The following KIAA0319L variants were observed in gnomAD, a reference collection of about 807,000 sequenced individuals.
The protein encoded by KIAA0319L is KIAA0319 like, also known as dyslexia-associated protein KIAA0319-like protein.
A neutral mutation model predicts 120.1 loss-of-function variants in KIAA0319L; 55 were observed. The ratio of observed to expected loss-of-function variants is 0.46; its 90% CI spans 0.37 to 0.57. The LOEUF (loss-of-function observed/expected upper bound fraction) is 0.57, where lower values mean the gene tolerates loss of function less well. Among genes scored for constraint, KIAA0319L ranks in the 20% least tolerant of loss-of-function variants. KIAA0319L has a pLI of 0.00. For missense variants in KIAA0319L, 1,049 were observed against 1,255.3 expected, an observed-to-expected ratio of 0.84 and a Z score of 2.48; for synonymous variants, 398 against 471.9, an observed-to-expected ratio of 0.84 and a Z score of 2.03.
intron 2 of KIAA0319L, among the ~76,000 whole-genome samples, chr1:35,537,574 C>A: frequency 6.9e-6 from 1 of 144,312 alleles, no homozygotes; most frequent in African/African-American, 2.6e-5. Flanking sequence ...TCAATTTACC[C>A]ATTGAAACTC....
chr1:35,478,962 T>C lies in KIAA0319L; in HGVS notation c.913+4A>G, dbSNP rs1644025641. ...CTTCTATCTCCAAGAGCAAAGGTCC[T>C]TACCTGGGTATGGTGCTGAGGTGCT... On this transcript the variant is annotated splice_donor_region_variant and intron_variant, in intron 4 of 20. Transcript: ENST00000325722. 3 of 1,613,842 alleles carry C rather than the reference T, an allele frequency of 1.9e-6. No homozygotes were observed. Among genetic ancestry groups the C allele is most frequent in the Non-Finnish European group, 1.7e-6 (2 of 1,179,834 alleles).
In KIAA0319L at chr1:35,456,013, C is replaced by T. The variant is rs1396365568; in HGVS notation, c.1656G>A (p.Gln552=). Reference sequence around the variant, plus strand: ...AAAAATAGGAACCATTCCCTCCTACCTGCATCTCCACCACTTTCCCTTTGC... The same window carrying T: ...AAAAATAGGAACCATTCCCTCCTACTTGCATCTCCACCACTTTCCCTTTGC... ...PSSKGKVVEM[Q]GVRTPTLQLS... The change falls in exon 10 of 21, where the codon CAG becomes CAA. Residue 552 remains glutamine, a splice_region_variant and synonymous_variant. Transcript: ENST00000325722. The T allele has an allele frequency of 6.2e-7, 1 of 1,609,062 alleles. No individual in the cohort carries two copies. The highest frequency in any genetic ancestry group is 8.5e-7 in the Non-Finnish European group (1 of 1,176,388).
At chr1:35,460,549 T>G in intron 8 of KIAA0319L, 112 bp from the exon 9 acceptor site, 1 of 917,058 alleles carries the variant, frequency 1.1e-6, no homozygotes, top group Non-Finnish European at 1.7e-6. Context: ...GAAAACTTCA[T>G]GAAATTACAG....
At chr1:35,552,374 A>G (rs1230670790) in intron 2 of KIAA0319L, among the ~76,000 whole-genome samples, 2 of 152,008 alleles carry the variant, frequency 1.3e-5, no homozygotes, top group African/African-American at 2.4e-5. Flanking sequence ...CCTCCAAAAC[A>G]TCCCCTATGG....
At chr1:35,467,408 T>C (rs1643342645) in intron 6 of KIAA0319L, among the ~76,000 whole-genome samples, 1 of 151,934 alleles carries the variant, frequency 6.6e-6, no homozygotes, top group Non-Finnish European at 1.5e-5. Flanking sequence ...ACACATCAAC[T>C]CATCAAATTT....
intron 2 of KIAA0319L, among the ~76,000 whole-genome samples, chr1:35,507,997 G>A (rs956213448): frequency 2.6e-5 from 4 of 152,150 alleles, no homozygotes; most frequent in Non-Finnish European, 4.4e-5. Flanking sequence ...TGTTTTCTTA[G>A]ATGAAGTCAA....
chr1:35,523,512 C>A (rs959164732), intron 2 of KIAA0319L, among the ~76,000 whole-genome samples: 1 of 152,170 alleles, frequency 6.6e-6, no homozygotes, highest in African/African-American at 2.4e-5. Flanking sequence ...GTGGGTCATA[C>A]TGAAGACATC....
chr1:35,553,811 T>C (rs1280883106), intron 2 of KIAA0319L, among the ~76,000 whole-genome samples: 5 of 152,232 alleles, frequency 3.3e-5, no homozygotes, highest in Non-Finnish European at 7.4e-5. Flanking sequence ...CCTGGTGAAA[T>C]AATCTCTAGG....
At position 35,554,418 on chromosome 1, in the gene KIAA0319L, G is replaced by T; in HGVS notation, c.74C>A (p.Ala25Glu). The part of the protein sequence containing the change: ...ILSGYYWQTS[A>E]KWLRSLYLFY... Reference sequence around the variant, plus strand: ...CAGGTACAGGCTTCTCAACCACTTCGCAGATGTCTGCCAATAATATCCTGA... The same window carrying T: ...CAGGTACAGGCTTCTCAACCACTTCTCAGATGTCTGCCAATAATATCCTGA... Residue 25 changes from alanine (A) to glutamate (E), a missense_variant, in exon 2 of 21, where the codon GCG becomes GAG. Physicochemically the swap from Ala to Glu is moderately radical, Grantham distance 107. Coordinates refer to ENST00000325722, the MANE Select transcript of KIAA0319L (RefSeq NM_024874.5). The T allele has an allele frequency of 1.9e-6, 3 of 1,613,374 alleles. No individual in the cohort carries two copies. Among genetic ancestry groups the T allele is most frequent in the Non-Finnish European group, 2.5e-6 (3 of 1,179,730 alleles).
chr1:35,509,097 G>A (rs1025472264), intron 2 of KIAA0319L, among the ~76,000 whole-genome samples: 15 of 152,150 alleles, frequency 9.9e-5, no homozygotes, highest in African/African-American at 3.6e-4. Flanking sequence ...TCTGCTGGAG[G>A]CATGCTCCAG....
At chr1:35,461,132 T>C in intron 8 of KIAA0319L, among the ~76,000 whole-genome samples, 1 of 152,104 alleles carries the variant, frequency 6.6e-6, no homozygotes, top group East Asian at 1.9e-4. Flanking sequence ...TACTTAATCA[T>C]TTTTTAAAAA....
intron 14 of KIAA0319L, 120 bp from the exon 15 acceptor site, chr1:35,450,125 T>C: frequency 1.6e-6 from 2 of 1,257,996 alleles, no homozygotes; most frequent in Non-Finnish European, 2.3e-6. Flanking sequence ...CCTTGGGCAG[T>C]TCCTGATACG....
chr1:35,535,335 T>C (rs1214885032), intron 2 of KIAA0319L, among the ~76,000 whole-genome samples: 3 of 152,106 alleles, frequency 2.0e-5, no homozygotes, highest in African/African-American at 7.2e-5. Context: ...CCTCATAACA[T>C]TGAGTTGAAA....
At position 35,507,217 on chromosome 1, in the gene KIAA0319L, T is replaced by G. The variant is rs926789247; in HGVS notation, c.143-82A>C. ...CATAAAGAGCCCTGAGAACCAACAT[T>G]TGAGGTTATTTTGAAGACGAGTTTT... On this transcript the variant is annotated intron_variant, in intron 2 of 20. Transcript: ENST00000325722. The G allele has an allele frequency of 1.8e-5, 25 of 1,371,334 alleles. No homozygotes were observed. The African/African-American group carries it at 3.5e-4, about 19-fold the overall frequency. The allele number at this position is 1,371,334 out of a possible 1,614,324, so 84.9% of individuals were successfully genotyped here.
At position 35,479,002 on chromosome 1, in the gene KIAA0319L, G is replaced by T. The variant is rs761951323; in HGVS notation, c.877C>A (p.Gln293Lys). Residue 293 changes from glutamine to lysine, a missense_variant, in exon 4 of 21, where the codon CAG becomes AAG. Transcript: ENST00000325722. ...PSYSYATPTP[Q>K]ASFQSTSAPY... ...GCTGAGGTGCTCTGGAAAGAGGCCT[G>T]GGGGGTAGGGGTAGCATAACTGTAG... 2.5e-6 allele frequency: 4 copies of T among 1,613,848 alleles called. No homozygotes were observed. Among genetic ancestry groups the T allele is most frequent in the East Asian group, 4.5e-5 (2 of 44,898 alleles).
chr1:35,525,913 C>T (rs1646107707), intron 2 of KIAA0319L, among the ~76,000 whole-genome samples: 1 of 151,994 alleles, frequency 6.6e-6, no homozygotes, highest in Admixed American at 6.6e-5. Flanking sequence ...TTTGCCTAGA[C>T]CAATATGCTA....
intron 2 of KIAA0319L, among the ~76,000 whole-genome samples, chr1:35,522,614 C>T (rs746444039): frequency 1.3e-5 from 2 of 151,702 alleles, no homozygotes; most frequent in Non-Finnish European, 2.9e-5. Context: ...ACAATGTACC[C>T]GTATTATTTT....
At chr1:35,525,639 TTA>T (rs1646096888) in intron 2 of KIAA0319L, among the ~76,000 whole-genome samples, 1 of 152,156 alleles carries the variant, frequency 6.6e-6, no homozygotes, top group Admixed American at 6.5e-5. Flanking sequence ...TTAATCATTT[TTA>T]TGTCTGGATA....
At chr1:35,510,736 T>C (rs1280478515) in intron 2 of KIAA0319L, among the ~76,000 whole-genome samples, 1 of 151,906 alleles carries the variant, frequency 6.6e-6, no homozygotes, top group Non-Finnish European at 1.5e-5. Flanking sequence ...CCTCCCAAGA[T>C]GCTAGGACTA....
Sources: allele counts gnomAD v4.1 joint callset (sites outside exome capture counted in the v4.1 genomes callset), GRCh38; gene constraint gnomAD v4.1.1; transcripts MANE v1.5; gene names NCBI Gene and HGNC (gene_info 2026-07-23, HGNC 2026-07-21).